Variants in CACNA2D3 observed in about 807,000 individuals in gnomAD.
The protein encoded by CACNA2D3 is calcium voltage-gated channel auxiliary subunit alpha2delta 3.
CACNA2D3 carries 60 observed loss-of-function variants against 160.6 expected under a neutral mutation model. The ratio of observed to expected loss-of-function variants is 0.37; its 90% CI spans 0.30 to 0.46. The LOEUF (loss-of-function observed/expected upper bound fraction) is 0.46. CACNA2D3 is among the 20% of genes least tolerant of loss of function. The probability of loss-of-function intolerance (pLI) is 1.00; values close to 1 mark genes in which losing one functional copy is unlikely to be tolerated. For synonymous variants in CACNA2D3, 558 were observed against 492.9 expected (o/e 1.13, Z -1.75); for missense variants, 1,205 against 1,365.0 (o/e 0.88, Z 1.85).
chr3:54,536,916 A>G (rs1286249907), intron 5 of CACNA2D3, among the ~76,000 whole-genome samples: 7 of 152,178 alleles, frequency 4.6e-5, no homozygotes, highest in African/African-American at 1.4e-4. Context: ...CACTTGTGAA[A>G]GGTGGCTGTC....
chr3:54,271,850 G>A (rs990537640), intron 2 of CACNA2D3, among the ~76,000 whole-genome samples: 1 of 152,156 alleles, frequency 6.6e-6, no homozygotes, highest in East Asian at 1.9e-4. Flanking sequence ...ATTTTGTCTC[G>A]GAGAAACTGG....
chr3:54,126,743 G>T (rs1013428094), intron 2 of CACNA2D3, among the ~76,000 whole-genome samples: 9 of 152,178 alleles, frequency 5.9e-5, no homozygotes, highest in Admixed American at 5.9e-4. Flanking sequence ...CCCCTGGAGG[G>T]ATGGTGCTGG....
intron 4 of CACNA2D3, among the ~76,000 whole-genome samples, chr3:54,410,527 A>G (rs533199843): frequency 1.3e-5 from 2 of 152,296 alleles, no homozygotes; most frequent in East Asian, 1.9e-4. Flanking sequence ...TAAATCTACC[A>G]TACGTGTGCT....
intron 27 of CACNA2D3, among the ~76,000 whole-genome samples, chr3:54,903,881 C>A (rs1428959281): frequency 4.6e-5 from 7 of 152,104 alleles, no homozygotes; most frequent in Admixed American, 3.3e-4. Context: ...TATTCATGTC[C>A]TTTGCCCACT....
At chr3:55,069,074 C>T (rs1181280412) in intron 35 of CACNA2D3, among the ~76,000 whole-genome samples, 1 of 152,176 alleles carries the variant, frequency 6.6e-6, no homozygotes, top group Non-Finnish European at 1.5e-5. Context: ...TTATACTTCT[C>T]TAATTTTTAG....
chr3:54,916,815 G>T (rs905068395), intron 27 of CACNA2D3, among the ~76,000 whole-genome samples: 3 of 152,190 alleles, frequency 2.0e-5, no homozygotes, highest in African/African-American at 4.8e-5. Flanking sequence ...TCATTACATG[G>T]CCTGAAGGAG....
chr3:54,216,922 G>A (rs1479222294), intron 2 of CACNA2D3, among the ~76,000 whole-genome samples: 2 of 152,128 alleles, frequency 1.3e-5, no homozygotes, highest in African/African-American at 4.8e-5. Flanking sequence ...TCTGTTTGGT[G>A]GGGGGAGATA....
intron 13 of CACNA2D3, among the ~76,000 whole-genome samples, chr3:54,811,352 T>C (rs1418178527): frequency 6.6e-6 from 1 of 152,118 alleles, no homozygotes; most frequent in Non-Finnish European, 1.5e-5. Flanking sequence ...GCATCTTTTA[T>C]GTCTCTTCTA....
At chr3:54,531,422 AT>A (rs1479703587) in intron 5 of CACNA2D3, among the ~76,000 whole-genome samples, 2 of 152,230 alleles carry the variant, frequency 1.3e-5, no homozygotes, top group East Asian at 1.9e-4. Context: ...AATCAAAAAA[AT>A]GGCTGTGGTT....
intron 27 of CACNA2D3, among the ~76,000 whole-genome samples, chr3:54,959,549 T>A (rs976349380): frequency 1.8e-4 from 28 of 152,202 alleles, no homozygotes; most frequent in African/African-American, 6.3e-4. Flanking sequence ...GTTTAGAAAC[T>A]TGACCCCCAA....
intron 3 of CACNA2D3, among the ~76,000 whole-genome samples, chr3:54,355,351 T>C (rs1341101771): frequency 2.0e-5 from 3 of 152,170 alleles, no homozygotes; most frequent in Non-Finnish European, 4.4e-5. Flanking sequence ...GCACTCCGGC[T>C]GCTGTATAGA....
intron 4 of CACNA2D3, among the ~76,000 whole-genome samples, chr3:54,465,712 A>C (rs764832845): frequency 1.3e-5 from 2 of 152,216 alleles, no homozygotes; most frequent in African/African-American, 4.8e-5. Flanking sequence ...CAAAACCGCA[A>C]TTACTTTTGC....
intron 29 of CACNA2D3, among the ~76,000 whole-genome samples, chr3:54,978,775 A>G (rs927901207): frequency 6.6e-6 from 1 of 152,238 alleles, no homozygotes; most frequent in Non-Finnish European, 1.5e-5. Context: ...TCTGAGCAGC[A>G]GTCAAGAGAT....
At chr3:54,961,300 A>G (rs377455216) in intron 27 of CACNA2D3, among the ~76,000 whole-genome samples, 8 of 152,248 alleles carry the variant, frequency 5.3e-5, no homozygotes, top group African/African-American at 1.9e-4. Context: ...TGATTAAGAA[A>G]TATGACCAGC....
chr3:54,199,400 A>C (rs1045050435), intron 2 of CACNA2D3, among the ~76,000 whole-genome samples: 1 of 152,000 alleles, frequency 6.6e-6, no homozygotes, highest in Non-Finnish European at 1.5e-5. Flanking sequence ...GGGTCTTACC[A>C]TCACCCAGGC....
intron 10 of CACNA2D3, among the ~76,000 whole-genome samples, chr3:54,637,183 A>T (rs1200108564): frequency 6.6e-6 from 1 of 151,996 alleles, no homozygotes; most frequent in East Asian, 1.9e-4. Context: ...GCTGTAGCAG[A>T]CGAGTGATAA....
Position 54,417,816 on chromosome 3 carries a change from T to C in CACNA2D3, c.381+31042T>C, listed in dbSNP as rs1196042624. ...TGTGTGGGGGGGGGGGTGGGGGGGT[T>C]ACTCCTGTCACCCAGGCTGGAGTGC... On this transcript the variant is annotated intron_variant, in intron 4 of 37. Coordinates refer to ENST00000474759, the MANE Select transcript of CACNA2D3 (RefSeq NM_018398.3). Among the ~76,000 whole-genome samples, 3 of 144,988 alleles carry C rather than the reference T, an allele frequency of 2.1e-5. No individual in the cohort carries two copies. In the East Asian group the frequency reaches 6.7e-4, roughly 32 times the overall value.
At chr3:54,428,256 C>T (rs953271698) in intron 4 of CACNA2D3, among the ~76,000 whole-genome samples, 12 of 152,304 alleles carry the variant, frequency 7.9e-5, no homozygotes, top group Middle Eastern at 3.4e-3. Context: ...TCTTCGTAAG[C>T]GTGAAACTTG....
chr3:54,935,527 G>A lies in CACNA2D3; in HGVS notation c.2450-32923G>A, dbSNP rs542038137. ...CCTGGCCAAAGCCTCACAGTGACAC[G>A]TTGTTTTACTTAGATCTTTTGAGTG... On this transcript the variant is annotated intron_variant, in intron 27 of 37. Transcript: ENST00000474759. Among the ~76,000 whole-genome samples the A allele has an allele frequency of 3.3e-5, 5 of 152,282 alleles. No homozygotes were observed. In the South Asian group the frequency reaches 6.2e-4, roughly 19 times the overall value.
Sources: gnomAD v4.1 joint callset for allele counts (sites outside exome capture counted in the v4.1 genomes callset) on GRCh38, gnomAD v4.1.1 for gene constraint, MANE v1.5 for transcripts, NCBI Gene and HGNC (gene_info 2026-07-23, HGNC 2026-07-21) for gene names.